BRINP3: variants seen among roughly 807,000 people sequenced by gnomAD.
BRINP3 encodes BMP/retinoic acid-inducible neural-specific protein 3.
BRINP3 carries 19 observed loss-of-function variants against 71.0 expected under a neutral mutation model. The ratio of observed to expected loss-of-function variants is 0.27; its 90% CI spans 0.19 to 0.39. The LOEUF (loss-of-function observed/expected upper bound fraction) is 0.39. Among genes scored for constraint, BRINP3 ranks in the 10% least tolerant of loss-of-function variants. BRINP3 has a pLI of 1.00. For missense variants in BRINP3, 959 were observed against 940.8 expected (o/e 1.02, Z -0.25); for synonymous variants, 380 against 337.7 (o/e 1.13, Z -1.37).
chr1:190,405,369 T>A (rs868764242), intron 2 of BRINP3, among the ~76,000 whole-genome samples: 1 of 141,802 alleles, frequency 7.1e-6, no homozygotes, highest in Non-Finnish European at 1.5e-5. Flanking sequence ...GAGAATGGCG[T>A]GAACCCGGGA....
chr1:190,394,637 A>T (rs753651112), intron 2 of BRINP3, among the ~76,000 whole-genome samples: 43 of 151,756 alleles, frequency 2.8e-4, no homozygotes, highest in Admixed American at 6.6e-4. Context: ...CATAGCAAAA[A>T]AGATAAAGAT....
chr1:190,475,353 C>A (rs552220303), intron 1 of BRINP3, among the ~76,000 whole-genome samples: 15 of 152,270 alleles, frequency 9.9e-5, no homozygotes, highest in African/African-American at 3.4e-4. Flanking sequence ...TTCTCTCATA[C>A]AGAAGAGGTT....
At chr1:190,351,847 T>C (rs959286152) in intron 2 of BRINP3, among the ~76,000 whole-genome samples, 2 of 152,090 alleles carry the variant, frequency 1.3e-5, no homozygotes, top group Non-Finnish European at 1.5e-5. Context: ...CAAATCAGTA[T>C]AAGTAATTTT....
chr1:190,274,839 A>C (rs1390255347), intron 3 of BRINP3, among the ~76,000 whole-genome samples: 2 of 151,660 alleles, frequency 1.3e-5, no homozygotes, highest in Non-Finnish European at 3.0e-5. Flanking sequence ...ATAAGAAGAA[A>C]AAAAACAATC....
intron 2 of BRINP3, among the ~76,000 whole-genome samples, chr1:190,353,230 C>A (rs1333317): frequency 0.017 from 2,508 of 151,942 alleles, 62 homozygotes; most frequent in African/African-American, 0.055. Context: ...TCAAAATTGT[C>A]TATAATTAAT....
chr1:190,384,657 T>TTA (rs1195092120), intron 2 of BRINP3, among the ~76,000 whole-genome samples: 1 of 151,984 alleles, frequency 6.6e-6, no homozygotes, highest in African/African-American at 2.4e-5. Context: ...ACCTCAACTC[T>TTA]GTGAAGCTAA....
intron 1 of BRINP3, among the ~76,000 whole-genome samples, chr1:190,475,295 A>C (rs564329050): frequency 6.6e-6 from 1 of 152,312 alleles, no homozygotes; most frequent in East Asian, 1.9e-4. Context: ...AAAATAAATA[A>C]ATATTAACGC....
At chr1:190,371,986 G>A (rs114454943) in intron 2 of BRINP3, among the ~76,000 whole-genome samples, 1,685 of 152,204 alleles carry the variant, frequency 0.011, 16 homozygotes, top group Non-Finnish European at 0.017. Context: ...AATGGCACAG[G>A]ATGAAAACTT....
At chr1:190,389,836 C>T (rs745730064) in intron 2 of BRINP3, among the ~76,000 whole-genome samples, 4 of 151,254 alleles carry the variant, frequency 2.6e-5, no homozygotes, top group Non-Finnish European at 4.4e-5. Context: ...TAGGTTGAGC[C>T]GAAATTCTGA....
intron 1 of BRINP3, among the ~76,000 whole-genome samples, chr1:190,466,393 T>C (rs1297351632): frequency 1.3e-5 from 2 of 151,724 alleles, no homozygotes; most frequent in African/African-American, 4.8e-5. Context: ...AGTTATTTTC[T>C]AGAGAAGCAT....
chr1:190,136,766 C>T (rs1655010064), intron 7 of BRINP3, among the ~76,000 whole-genome samples: 1 of 151,814 alleles, frequency 6.6e-6, no homozygotes, highest in African/African-American at 2.4e-5. Context: ...GAGACTTTTC[C>T]AAAATACTAA....
intron 2 of BRINP3, among the ~76,000 whole-genome samples, chr1:190,406,667 T>C (rs1050368285): frequency 1.3e-5 from 2 of 152,176 alleles, no homozygotes; most frequent in Admixed American, 1.3e-4. Flanking sequence ...ACAAGGAGTT[T>C]CTTCCAAAAC....
At chr1:190,111,273 A>G (rs2102282501) in intron 7 of BRINP3, among the ~76,000 whole-genome samples, 1 of 148,002 alleles carries the variant, frequency 6.8e-6, no homozygotes, top group African/African-American at 2.5e-5. Context: ...TCACCTCCTT[A>G]TTTAAACAGT....
chr1:190,382,098 T>C (rs1170912694), intron 2 of BRINP3, among the ~76,000 whole-genome samples: 9 of 152,130 alleles, frequency 5.9e-5, no homozygotes, highest in Non-Finnish European at 8.8e-5. Flanking sequence ...TATATTTTTC[T>C]ACTTCTGGAA....
intron 2 of BRINP3, among the ~76,000 whole-genome samples, chr1:190,307,912 T>C (rs1665232682): frequency 6.6e-6 from 1 of 151,950 alleles, no homozygotes; most frequent in African/African-American, 2.4e-5. Context: ...ATTAGGAAAC[T>C]TTAGAAGCAA....
intron 7 of BRINP3, among the ~76,000 whole-genome samples, chr1:190,122,034 G>A (rs1653708791): frequency 6.6e-6 from 1 of 152,140 alleles, no homozygotes; most frequent in Admixed American, 6.6e-5. Flanking sequence ...AAGGGTAGTA[G>A]CAGTGAAGTG....
chr1:190,293,167 T>G (rs1456567462), intron 2 of BRINP3, among the ~76,000 whole-genome samples: 1 of 152,152 alleles, frequency 6.6e-6, no homozygotes, highest in Non-Finnish European at 1.5e-5. Context: ...TATTGTGATA[T>G]TCTTCTTATT....
At chr1:190,139,451 CAAAAA>C (rs11315431) in intron 7 of BRINP3, among the ~76,000 whole-genome samples, 1 of 87,566 alleles carries the variant, frequency 1.1e-5, no homozygotes. Context: ...GACTCTGTCT[CAAAAA>C]AAAAAAAAAA....
At chr1:190,105,167 C>A (rs1652044645) in intron 7 of BRINP3, among the ~76,000 whole-genome samples, 2 of 151,994 alleles carry the variant, frequency 1.3e-5, no homozygotes, top group Non-Finnish European at 2.9e-5. Flanking sequence ...GCAGCGTTGC[C>A]TAGGGCTGAT....
Sources: gnomAD v4.1 joint callset for allele counts (sites outside exome capture counted in the v4.1 genomes callset) on GRCh38, gnomAD v4.1.1 for gene constraint, MANE v1.5 for transcripts, NCBI Gene and HGNC (gene_info 2026-07-23, HGNC 2026-07-21) for gene names.